Variants in TGFBR3 observed in about 807,000 individuals in gnomAD.
TGFBR3 encodes the protein transforming growth factor beta receptor type 3.
In TGFBR3, 46 loss-of-function variants were observed where a neutral mutation model predicts 87.9. The observed-to-expected ratio is 0.52, with a 90% CI of 0.41 to 0.67. The LOEUF (loss-of-function observed/expected upper bound fraction) is 0.67. TGFBR3 is among the 30% of genes least tolerant of loss of function. The pLI, the probability that TGFBR3 is intolerant of heterozygous loss-of-function variation, is 0.00. For synonymous variants in TGFBR3, 381 were observed against 391.6 expected (o/e 0.97, Z 0.32); for missense variants, 866 against 1,041.9 (o/e 0.83, Z 2.32).
chr1:91,791,544 T>C (rs557977347), intron 3 of TGFBR3, among the ~76,000 whole-genome samples: 1 of 152,174 alleles, frequency 6.6e-6, no homozygotes, highest in Non-Finnish European at 1.5e-5. Flanking sequence ...TACAAACCTA[T>C]GCACAGAACC....
chr1:91,731,646 C>T (rs758722755), intron 5 of TGFBR3, among the ~76,000 whole-genome samples: 4 of 152,140 alleles, frequency 2.6e-5, no homozygotes, highest in Non-Finnish European at 2.9e-5. Flanking sequence ...TAAGAAAGAG[C>T]GTCTATGGGC....
At chr1:91,898,630 G>T (rs988690338) in intron 2 of TGFBR3, among the ~76,000 whole-genome samples, 6 of 152,072 alleles carry the variant, frequency 3.9e-5, no homozygotes, top group African/African-American at 1.2e-4. Context: ...AGTAGAGACG[G>T]GGTTTCACCG....
chr1:91,821,954 T>C lies in TGFBR3; in HGVS notation c.62-24483A>G, dbSNP rs574112492. ...TCCTCTGTAAAGGGAGGGCCTATCA[T>C]TTGATTATTTTGAAAGTTCCCAGCT... is the stretch of plus-strand genomic sequence containing the variant. On this transcript the variant is annotated intron_variant, in intron 2 of 16. Coordinates refer to ENST00000212355, the MANE Select transcript of TGFBR3 (RefSeq NM_003243.5). Among the ~76,000 whole-genome samples, 14 of 152,302 alleles carry C rather than the reference T, an allele frequency of 9.2e-5. No individual in the cohort carries two copies. The Middle Eastern group carries it at 0.014, about 148-fold the overall frequency.
At chr1:91,803,125 G>A (rs1477891688) in intron 2 of TGFBR3, among the ~76,000 whole-genome samples, 1 of 152,248 alleles carries the variant, frequency 6.6e-6, no homozygotes, top group Non-Finnish European at 1.5e-5. Flanking sequence ...AAACCTCAAC[G>A]TGACTTACAA....
At chr1:91,901,234 T>A (rs1237285907) in intron 1 of TGFBR3, among the ~76,000 whole-genome samples, 1 of 152,220 alleles carries the variant, frequency 6.6e-6, no homozygotes, top group Non-Finnish European at 1.5e-5. Flanking sequence ...TTTTATTGGG[T>A]CTTATCCTCT....
chr1:91,858,961 C>A, intron 2 of TGFBR3, among the ~76,000 whole-genome samples: 1 of 151,544 alleles, frequency 6.6e-6, no homozygotes, highest in East Asian at 1.9e-4. Context: ...GAGGCTGAGG[C>A]AGGAGAATCG....
intron 2 of TGFBR3, among the ~76,000 whole-genome samples, chr1:91,858,380 C>T (rs771905184): frequency 2.6e-5 from 4 of 151,450 alleles, no homozygotes; most frequent in African/African-American, 7.3e-5. Context: ...TTTGGGAGGC[C>T]GAGGCAGGCG....
intron 2 of TGFBR3, among the ~76,000 whole-genome samples, chr1:91,830,631 A>G (rs1676821289): frequency 6.6e-6 from 1 of 152,086 alleles, no homozygotes; most frequent in Non-Finnish European, 1.5e-5. Flanking sequence ...CTGCCCCCTG[A>G]GGAGAAACTC....
intron 1 of TGFBR3, among the ~76,000 whole-genome samples, chr1:91,903,783 A>G (rs1413003706): frequency 1.3e-5 from 2 of 152,204 alleles, no homozygotes; most frequent in Non-Finnish European, 2.9e-5. Context: ...TATTCAAAAT[A>G]TGTTGAAAAA....
chr1:91,843,404 C>T (rs189786834), intron 2 of TGFBR3, among the ~76,000 whole-genome samples: 1 of 152,290 alleles, frequency 6.6e-6, no homozygotes, highest in African/African-American at 2.4e-5. Context: ...TTTCCAGAAC[C>T]TAACCATGCT....
chr1:91,862,543 G>A (rs2799538), intron 1 of TGFBR3, among the ~76,000 whole-genome samples: 22,592 of 152,284 alleles, frequency 0.15, 2,212 homozygotes, highest in East Asian at 0.39. Context: ...TTCTTTCTAA[G>A]CTTTTCCTAT....
rs1678198938 is a variant in TGFBR3, at chr1:91,861,618, A to C, written c.-87T>G. 4 of 1,049,966 alleles carry C rather than the reference A, an allele frequency of 3.8e-6. No homozygotes were observed. In the South Asian group the frequency reaches 5.1e-5, roughly 13 times the overall value. The allele number at this position is 1,049,966 out of a possible 1,614,324, so 65.0% of individuals were successfully genotyped here. On this transcript the variant is annotated 5_prime_UTR_variant, in exon 2 of 17. Coordinates refer to ENST00000212355, the MANE Select transcript of TGFBR3 (RefSeq NM_003243.5). ...CTTTGCAAATCAGAAGTAGTCTTAA[A>C]GTCCCTCCTTGCAATTTTCAAACTG...
upstream of TGFBR3, chr1:91,886,203 C>G (rs1679302428): frequency 4.4e-6 from 2 of 453,078 alleles, no homozygotes; most frequent in Non-Finnish European, 8.8e-6. Flanking sequence ...CACACGCGGG[C>G]GGGGACGGGC....
At chr1:91,721,205 T>C (rs985019961) in intron 8 of TGFBR3, among the ~76,000 whole-genome samples, 9 of 152,160 alleles carry the variant, frequency 5.9e-5, no homozygotes, top group Admixed American at 5.2e-4. Context: ...AAATAAGTCA[T>C]AGCTTTGTAG....
intron 2 of TGFBR3, among the ~76,000 whole-genome samples, chr1:91,826,442 G>A (rs940204028): frequency 6.6e-6 from 1 of 152,152 alleles, no homozygotes; most frequent in Non-Finnish European, 1.5e-5. Context: ...GCCAATCACT[G>A]TAACTCCATT....
chr1:91,830,792 G>A (rs2101085408), intron 2 of TGFBR3, among the ~76,000 whole-genome samples: 1 of 152,158 alleles, frequency 6.6e-6, no homozygotes, highest in South Asian at 2.1e-4. Context: ...GCAGTGAGAG[G>A]GCACAGGGTC....
chr1:91,904,638 CA>C (rs1245987113), intron 1 of TGFBR3, among the ~76,000 whole-genome samples: 1 of 149,662 alleles, frequency 6.7e-6, no homozygotes, highest in South Asian at 2.1e-4. Flanking sequence ...AATCTCGGCT[CA>C]CTGCATCCTC....
chr1:91,901,970 T>G (rs965702845), intron 1 of TGFBR3, among the ~76,000 whole-genome samples: 3 of 147,160 alleles, frequency 2.0e-5, no homozygotes, highest in Non-Finnish European at 4.5e-5. Flanking sequence ...ATGTGTTCAC[T>G]GATACTCAAG....
intron 14 of TGFBR3, among the ~76,000 whole-genome samples, chr1:91,702,767 G>A (rs1353994344): frequency 2.0e-5 from 3 of 151,976 alleles, no homozygotes; most frequent in Admixed American, 1.3e-4. Context: ...AATACTGGCC[G>A]GGAGCGGTGG....
Sources: gnomAD v4.1 joint callset for allele counts (sites outside exome capture counted in the v4.1 genomes callset) on GRCh38, gnomAD v4.1.1 for gene constraint, MANE v1.5 for transcripts, NCBI Gene and HGNC (gene_info 2026-07-23, HGNC 2026-07-21) for gene names.